CHLSN: variants seen among roughly 807,000 people sequenced by gnomAD.
CHLSN encodes the protein protein cholesin.
chr7:1,084,191 A>G, the CHLSN span, among the ~76,000 whole-genome samples: 1 of 152,186 alleles, frequency 6.6e-6, no homozygotes, highest in Non-Finnish European at 1.5e-5. Context: ...CTCTTTCTAT[A>G]AAGGGGCTGC....
the CHLSN span, among the ~76,000 whole-genome samples, chr7:1,007,161 A>G: frequency 1.3e-5 from 2 of 152,158 alleles, no homozygotes; most frequent in Admixed American, 1.3e-4. Context: ...ACTCTCCACC[A>G]TGAGGGCTCA....
the CHLSN span, among the ~76,000 whole-genome samples, chr7:979,629 G>A: frequency 6.6e-6 from 1 of 152,160 alleles, no homozygotes; most frequent in East Asian, 1.9e-4. Flanking sequence ...GTGAGTGCCT[G>A]TAGTCCCAGC....
the CHLSN span, chr7:1,093,455 A>G: frequency 2.6e-5 from 12 of 466,580 alleles, no homozygotes; most frequent in Non-Finnish European, 4.9e-5. Context: ...GATGGCAGCA[A>G]TGGCGCTGTG....
chr7:1,114,428 G>A, the CHLSN span, among the ~76,000 whole-genome samples: 1,296 of 152,354 alleles, frequency 8.5e-3, 11 homozygotes, highest in Middle Eastern at 0.02. Flanking sequence ...GAGAAGTGCT[G>A]TTTCTGCCTT....
At chr7:1,071,055 C>T in the CHLSN span, among the ~76,000 whole-genome samples, 1 of 152,256 alleles carries the variant, frequency 6.6e-6, no homozygotes, top group Non-Finnish European at 1.5e-5. Flanking sequence ...CGAGGCAGTG[C>T]CACCGGAGCC....
chr7:1,070,230 G>C, the CHLSN span, among the ~76,000 whole-genome samples: 3 of 126,756 alleles, frequency 2.4e-5, no homozygotes, highest in Non-Finnish European at 5.5e-5. Context: ...GTCTCCGCCC[G>C]GCAGCCACCC....
chr7:986,859 A>T, the CHLSN span: 1 of 1,429,882 alleles, frequency 7.0e-7, no homozygotes, highest in African/African-American at 1.4e-5. Flanking sequence ...ACCCCAGGGG[A>T]GCACGGCTGG....
the CHLSN span, among the ~76,000 whole-genome samples, chr7:1,059,825 GGGCGGGTCTGTAGTGA>G: frequency 1.7e-5 from 1 of 57,778 alleles, no homozygotes; most frequent in Non-Finnish European, 3.6e-5. Flanking sequence ...GTCTGTAGTG[GGGCGGGTCTGTAGTGA>G]GGCGGGTCCG....
the CHLSN span, among the ~76,000 whole-genome samples, chr7:1,100,777 A>C: frequency 1.7e-4 from 26 of 152,238 alleles, no homozygotes; most frequent in African/African-American, 3.6e-4. Context: ...GGTTAAAAAA[A>C]AAAACAAAAC....
At chr7:1,116,260 G>C in the CHLSN span, among the ~76,000 whole-genome samples, 1 of 134,540 alleles carries the variant, frequency 7.4e-6, no homozygotes, top group Non-Finnish European at 1.5e-5. Context: ...CAGCTCTACG[G>C]ACCGGCTTCC....
the CHLSN span, chr7:1,087,353 G>A: frequency 2.6e-5 from 4 of 152,364 alleles, no homozygotes; most frequent in Middle Eastern, 3.4e-3. Flanking sequence ...CTTGGGACCG[G>A]AAGAGTTTCG....
chr7:1,016,842 C>G, the CHLSN span, among the ~76,000 whole-genome samples: 56 of 112,840 alleles, frequency 5.0e-4, 9 homozygotes, highest in South Asian at 1.9e-3. Flanking sequence ...GCAGCGCACG[C>G]CAGCACACAG....
the CHLSN span, among the ~76,000 whole-genome samples, chr7:1,099,984 C>T: frequency 1.3e-5 from 2 of 152,154 alleles, no homozygotes; most frequent in Admixed American, 6.5e-5. Context: ...GCTATGGAAC[C>T]TGGGTATGGA....
At chr7:1,050,539 C>G in the CHLSN span, among the ~76,000 whole-genome samples, 1 of 152,234 alleles carries the variant, frequency 6.6e-6, no homozygotes, top group East Asian at 1.9e-4. Context: ...GGGCTCCCAG[C>G]TCCGAGCGGA....
the CHLSN span, among the ~76,000 whole-genome samples, chr7:1,006,303 G>A: frequency 2.6e-5 from 4 of 152,190 alleles, no homozygotes; most frequent in African/African-American, 7.2e-5. Flanking sequence ...CAGGGAAAGA[G>A]CACACGACGG....
chr7:1,053,262 C>T, the CHLSN span, among the ~76,000 whole-genome samples: 1 of 152,270 alleles, frequency 6.6e-6, no homozygotes, highest in African/African-American at 2.4e-5. Context: ...CAGGCAGGCA[C>T]ATGGGGCCCA....
chr7:1,006,974 A>AC, the CHLSN span, among the ~76,000 whole-genome samples: 1 of 152,198 alleles, frequency 6.6e-6, no homozygotes, highest in Non-Finnish European at 1.5e-5. Flanking sequence ...GTCACAGGCC[A>AC]AGGTCACCGT....
chr7:984,361 G>GC, the CHLSN span: 3 of 1,535,652 alleles, frequency 2.0e-6, no homozygotes, highest in Non-Finnish European at 2.6e-6. Flanking sequence ...GGGACCTAAG[G>GC]GGGGTCTTGT....
At chr7:1,067,812 G>T in the CHLSN span, among the ~76,000 whole-genome samples, 11 of 128,644 alleles carry the variant, frequency 8.6e-5, no homozygotes, top group African/African-American at 2.8e-4. Flanking sequence ...GCACCCCAGA[G>T]GTGAGGGTTT....
Sources: gnomAD v4.1 joint callset for allele counts (sites outside exome capture counted in the v4.1 genomes callset) on GRCh38, gnomAD v4.1.1 for gene constraint, MANE v1.5 for transcripts, NCBI Gene and HGNC (gene_info 2026-07-23, HGNC 2026-07-21) for gene names.